Variants in HAPSTR1 observed in about 807,000 individuals in gnomAD.
HAPSTR1 encodes HUWE1-associated protein modifying stress responses 1.
the HAPSTR1 span, chr16:9,092,044 G>C: frequency 4.0e-5 from 61 of 1,519,884 alleles, no homozygotes; most frequent in Middle Eastern, 6.9e-4. Flanking sequence ...GGCCGCGGAG[G>C]ATGGAGGAGC....
chr16:9,101,173 C>A, the HAPSTR1 span, among the ~76,000 whole-genome samples: 1 of 152,200 alleles, frequency 6.6e-6, no homozygotes, highest in Non-Finnish European at 1.5e-5. Context: ...GTTTTAGGTA[C>A]AGCACTACAA....
the HAPSTR1 span, among the ~76,000 whole-genome samples, chr16:9,115,535 G>A: frequency 6.6e-6 from 1 of 152,178 alleles, no homozygotes; most frequent in Non-Finnish European, 1.5e-5. Context: ...TTTAGGAGTG[G>A]AATGTAAGTT....
the HAPSTR1 span, among the ~76,000 whole-genome samples, chr16:9,094,350 T>G: frequency 6.6e-6 from 1 of 152,218 alleles, no homozygotes; most frequent in African/African-American, 2.4e-5. Flanking sequence ...CTATCAGTGC[T>G]GACGGTCTTG....
At chr16:9,096,060 A>G in the HAPSTR1 span, among the ~76,000 whole-genome samples, 1 of 152,210 alleles carries the variant, frequency 6.6e-6, no homozygotes, top group Non-Finnish European at 1.5e-5. Context: ...GTCTACTGCC[A>G]CATTGCCTGA....
the HAPSTR1 span, chr16:9,117,136 T>C: frequency 2.1e-5 from 13 of 608,120 alleles, no homozygotes; most frequent in East Asian, 1.2e-4. Flanking sequence ...ACATCAGATA[T>C]TGTGTAGTCG....
chr16:9,116,442 A>G, the HAPSTR1 span, among the ~76,000 whole-genome samples: 1 of 152,274 alleles, frequency 6.6e-6, no homozygotes, highest in Non-Finnish European at 1.5e-5. Context: ...ACTTTTAGTA[A>G]TTGGTAGTTA....
At chr16:9,107,469 A>T in the HAPSTR1 span, 1 of 152,254 alleles carries the variant, frequency 6.6e-6, no homozygotes, top group African/African-American at 2.4e-5. Flanking sequence ...CTCTTGGCCT[A>T]ATGTTTCAGC....
chr16:9,114,438 C>T, the HAPSTR1 span, among the ~76,000 whole-genome samples: 6 of 152,016 alleles, frequency 3.9e-5, no homozygotes, highest in African/African-American at 1.4e-4. Context: ...GGGAAGGAGC[C>T]TCATAAGGGA....
chr16:9,109,185 G>T, the HAPSTR1 span: 1 of 152,128 alleles, frequency 6.6e-6, no homozygotes, highest in Non-Finnish European at 1.5e-5. Flanking sequence ...AGTTGGTTAC[G>T]TTGTCTGTCT....
chr16:9,093,646 G>A, the HAPSTR1 span, among the ~76,000 whole-genome samples: 1 of 152,204 alleles, frequency 6.6e-6, no homozygotes, highest in South Asian at 2.1e-4. Flanking sequence ...ATTATAAGTT[G>A]CTGGCAGGAA....
At chr16:9,116,333 C>T in the HAPSTR1 span, among the ~76,000 whole-genome samples, 1 of 152,194 alleles carries the variant, frequency 6.6e-6, no homozygotes, top group African/African-American at 2.4e-5. Context: ...AAGCAAATGT[C>T]TCCTGTCCTT....
At chr16:9,114,606 A>C in the HAPSTR1 span, among the ~76,000 whole-genome samples, 1 of 152,172 alleles carries the variant, frequency 6.6e-6, no homozygotes, top group Admixed American at 6.5e-5. Context: ...GGGTGAAGTG[A>C]AGAGAGCAGG....
At chr16:9,113,080 T>A in the HAPSTR1 span, 1 of 151,878 alleles carries the variant, frequency 6.6e-6, no homozygotes, top group South Asian at 2.1e-4. Context: ...TTTCTGTACT[T>A]GTATAGGTCT....
chr16:9,100,164 G>A, the HAPSTR1 span, among the ~76,000 whole-genome samples: 3 of 152,212 alleles, frequency 2.0e-5, no homozygotes, highest in Non-Finnish European at 4.4e-5. Context: ...TGCTCATAGT[G>A]GGTTCTGACA....
chr16:9,098,656 A>G, the HAPSTR1 span, among the ~76,000 whole-genome samples: 1 of 152,158 alleles, frequency 6.6e-6, no homozygotes, highest in Non-Finnish European at 1.5e-5. Flanking sequence ...CCCTGCCTCT[A>G]CCCTTCCTCC....
At chr16:9,096,592 C>G in the HAPSTR1 span, among the ~76,000 whole-genome samples, 1 of 152,156 alleles carries the variant, frequency 6.6e-6, no homozygotes, top group African/African-American at 2.4e-5. Flanking sequence ...TGGCAGGTGA[C>G]TTAGAAACAA....
chr16:9,119,841 A>G, the HAPSTR1 span: 5 of 152,206 alleles, frequency 3.3e-5, no homozygotes, highest in Admixed American at 3.3e-4. Flanking sequence ...AACTCGAATA[A>G]TTGTGGCTTT....
chr16:9,103,552 G>A, the HAPSTR1 span: 5 of 275,820 alleles, frequency 1.8e-5, no homozygotes, highest in Admixed American at 4.8e-5. Flanking sequence ...TGTGTTGTAC[G>A]TGTTTTTTTC....
At chr16:9,098,788 C>T in the HAPSTR1 span, among the ~76,000 whole-genome samples, 1 of 152,164 alleles carries the variant, frequency 6.6e-6, no homozygotes, top group Non-Finnish European at 1.5e-5. Context: ...TAGCATTGTG[C>T]TCTTATGGTT....
Sources: gnomAD v4.1 joint callset for allele counts (sites outside exome capture counted in the v4.1 genomes callset) on GRCh38, gnomAD v4.1.1 for gene constraint, MANE v1.5 for transcripts, NCBI Gene and HGNC (gene_info 2026-07-23, HGNC 2026-07-21) for gene names.